Variants in DGKZ observed in about 807,000 individuals in gnomAD.
DGKZ encodes diacylglycerol kinase zeta.
DGKZ carries 45 observed loss-of-function variants against 142.5 expected under a neutral mutation model. The ratio of observed to expected loss-of-function variants is 0.32; its 90% CI spans 0.25 to 0.40. The LOEUF (loss-of-function observed/expected upper bound fraction) is 0.40. Ranked by LOEUF, DGKZ falls within the 10% of genes least tolerant of loss-of-function variation. The pLI, the probability that DGKZ is intolerant of heterozygous loss-of-function variation, is 1.00. For missense variants in DGKZ, 755 were observed against 1,306.5 expected, an observed-to-expected ratio of 0.58 and a Z score of 6.51; for synonymous variants, 442 against 527.0, an observed-to-expected ratio of 0.84 and a Z score of 2.21.
rs1188704125 is a variant in DGKZ at position 46,372,006 on chromosome 11, GC to G, written c.832-67del. The G allele has an allele frequency of 2.1e-6, 3 of 1,444,532 alleles. No homozygotes were observed. The allele number at this position is 1,444,532 out of a possible 1,614,324, so 89.5% of individuals were successfully genotyped here. On this transcript the variant is annotated intron_variant, in intron 9 of 30. Transcript: ENST00000527911. The surrounding 1 kb of genome is among the most constrained non-coding windows in gnomAD (Gnocchi z 5.9). ...AAGAGGGAACAAAGTCACCCAGGGG[GC>G]CTGCTAAGGATGATGGTAGGGTGTC...
chr11:46,379,278 C>T, intron 29 of DGKZ, 42 bp downstream of exon 29: 2 of 1,610,956 alleles, frequency 1.2e-6, no homozygotes, highest in Non-Finnish European at 1.7e-6. Context: ...ACCCCGGAAA[C>T]CACCCTTTTC....
chr11:46,338,662 C>T (rs996749352), intron 1 of DGKZ: 4 of 152,054 alleles, frequency 2.6e-5, no homozygotes, highest in African/African-American at 9.7e-5. Flanking sequence ...CGGGGGGCTC[C>T]GTGGCACATG....
rs1299798378 is a variant in DGKZ, at chr11:46,378,911, C to T, written c.2419-80C>T. 17 of 1,487,654 alleles carry T rather than the reference C, an allele frequency of 1.1e-5. No individual in the cohort carries two copies. In the East Asian group the frequency reaches 1.2e-4, roughly 10 times the overall value. The allele number at this position is 1,487,654 out of a possible 1,614,324, so 92.2% of individuals were successfully genotyped here. The stretch of plus-strand genomic sequence containing the variant: ...CGTTTCAGGCCTGTGCTGGTGTACC[C>T]GGCTGTGGGCCAGCGTGTGAGCTCA... On this transcript the variant is annotated intron_variant, in intron 27 of 30. Coordinates refer to ENST00000527911, the Ensembl canonical transcript of DGKZ.
rs1944033488 is a variant in DGKZ at position 46,372,299 on chromosome 11, A to C, written c.927+129A>C. The C allele has an allele frequency of 8.9e-6, 12 of 1,348,596 alleles. No homozygotes were observed. The highest frequency in any genetic ancestry group is 1.2e-5 in the Non-Finnish European group (12 of 972,652). The allele number at this position is 1,348,596 out of a possible 1,614,324, so 83.5% of individuals were successfully genotyped here. A position where few individuals can be genotyped will look rare whatever the true frequency, so the allele number is the denominator to read the frequency against. On this transcript the variant is annotated intron_variant, in intron 10 of 30. Coordinates refer to ENST00000527911, the Ensembl canonical transcript of DGKZ. The surrounding 1 kb of genome is among the most constrained non-coding windows in gnomAD (Gnocchi z 5.9). Reference sequence around the variant, plus strand: ...TCCCTCTTTCCCAGGGATCCTGAGAAAATCCTGTCCTTTCTCCACCCCTCA... The same window carrying C: ...TCCCTCTTTCCCAGGGATCCTGAGACAATCCTGTCCTTTCTCCACCCCTCA...
chr11:46,376,173 C>T (rs1944504540), intron 22 of DGKZ, 28 bp downstream of exon 22: 1 of 1,610,186 alleles, frequency 6.2e-7, no homozygotes, highest in African/African-American at 1.3e-5. Context: ...CCCCAGGTGC[C>T]CACCGAGAGG....
rs896982986 is a variant in DGKZ at position 46,360,307 on chromosome 11, T to G, written c.162-6984T>G. Among the ~76,000 whole-genome samples the G allele has an allele frequency of 1.1e-4, 16 of 152,288 alleles. 2 individuals carry two copies. Among genetic ancestry groups the G allele is most frequent in the Middle Eastern group, 6.8e-3 (2 of 294 alleles). ...TAAGTATCTTAAACATTTCTCAGTTTTAACATCTGATATGATACATATTAA... is the reference window on the plus strand; with the variant it reads ...TAAGTATCTTAAACATTTCTCAGTTGTAACATCTGATATGATACATATTAA... On this transcript the variant is annotated intron_variant, in intron 1 of 30. Transcript: ENST00000527911.
intron 1 of DGKZ, among the ~76,000 whole-genome samples, chr11:46,341,783 G>A (rs764054835): frequency 7.9e-5 from 12 of 152,174 alleles, no homozygotes; most frequent in Non-Finnish European, 1.5e-5. Flanking sequence ...GAATGGCAGG[G>A]GTTAGGGCCA....
intron 1 of DGKZ, among the ~76,000 whole-genome samples, chr11:46,359,605 A>T (rs963539289): frequency 4.0e-5 from 6 of 151,296 alleles, no homozygotes; most frequent in African/African-American, 9.7e-5. Context: ...ATTTATTTAT[A>T]TTTATTTATT....
At chr11:46,333,383 C>T (rs1463991780) in exon 1 of DGKZ, 2 of 1,424,076 alleles carry the variant, frequency 1.4e-6, no homozygotes, top group Admixed American at 6.6e-5. Flanking sequence ...GGGAGGAGGC[C>T]CAGGTCGCGC....
Position 46,353,068 on chromosome 11 carries a change from A to G in DGKZ, c.161+5248A>G, listed in dbSNP as rs564766743. Among the ~76,000 whole-genome samples the G allele has an allele frequency of 9.8e-5, 15 of 152,358 alleles. No individual in the cohort carries two copies. The South Asian group carries it at 2.7e-3, about 27-fold the overall frequency. The stretch of plus-strand genomic sequence containing the variant: ...CGGAGGGGAGGGAGAGGCTGAAGAG[A>G]CAGGAGTGGCGTTCCAGCTCCTCTG... On this transcript the variant is annotated intron_variant, in intron 1 of 30. Transcript: ENST00000527911.
At chr11:46,379,745 C>A in intron 30 of DGKZ, 86 bp from the exon 31 acceptor site, 1 of 1,400,702 alleles carries the variant, frequency 7.1e-7, no homozygotes. Context: ...GACCAGGCCA[C>A]AGGGAGGTAG....
upstream of DGKZ, among the ~76,000 whole-genome samples, chr11:46,347,034 CT>C (rs1940693903): frequency 6.6e-6 from 1 of 152,148 alleles, no homozygotes; most frequent in African/African-American, 2.4e-5. The surrounding 1 kb of genome is among the most constrained non-coding windows in gnomAD (Gnocchi z 6.4). Flanking sequence ...TTTTGTTCCC[CT>C]GGGTGCGATT....
intron 1 of DGKZ, among the ~76,000 whole-genome samples, chr11:46,363,305 G>C (rs1012258127): frequency 6.6e-6 from 1 of 152,200 alleles, no homozygotes; most frequent in African/African-American, 2.4e-5. Flanking sequence ...ATGGGAGCAC[G>C]GAGGCATGGG....
At chr11:46,334,859 A>C (rs890699983) in intron 1 of DGKZ, among the ~76,000 whole-genome samples, 2 of 152,168 alleles carry the variant, frequency 1.3e-5, no homozygotes, top group Admixed American at 1.3e-4. Context: ...CTCCTGGGAT[A>C]AATGTCAGCC....
chr11:46,359,531 T>C (rs2136433945), intron 1 of DGKZ, among the ~76,000 whole-genome samples: 2 of 152,296 alleles, frequency 1.3e-5, no homozygotes, highest in East Asian at 3.9e-4. Flanking sequence ...TGGTGCTTGA[T>C]GTTACAAAAT....
At chr11:46,345,282 G>A, upstream of DGKZ, 3 of 1,359,230 alleles carry the variant, frequency 2.2e-6, no homozygotes, top group Non-Finnish European at 2.8e-6. This position sits in a 1 kb window ranked among gnomAD's most constrained non-coding sequence, Gnocchi z 4.1. Flanking sequence ...GCCCCAGCCA[G>A]CGGAAGGCGC....
intron 1 of DGKZ, among the ~76,000 whole-genome samples, chr11:46,359,445 CAAAAA>C (rs1170485361): frequency 6.6e-6 from 1 of 152,050 alleles, no homozygotes; most frequent in Non-Finnish European, 1.5e-5. Flanking sequence ...GACTCCATCT[CAAAAA>C]TAAAATAAAA....
chr11:46,351,540 A>G lies in DGKZ; in HGVS notation c.161+3720A>G, dbSNP rs531282301. Among the ~76,000 whole-genome samples, 37 of 152,242 alleles carry G rather than the reference A, an allele frequency of 2.4e-4. 1 individual carries two copies. The highest frequency in any genetic ancestry group is 8.9e-4 in the African/African-American group (37 of 41,536). On this transcript the variant is annotated intron_variant, in intron 1 of 30. Coordinates refer to ENST00000527911, the Ensembl canonical transcript of DGKZ. ...TTGGTTCTGCAATGAATAGGGAGGG[A>G]CGTGTTGAGGGACGCCTCTTTTGCA... is the stretch of plus-strand genomic sequence containing the variant.
chr11:46,376,725 T>C, intron 24 of DGKZ, 161 bp downstream of exon 24: 1 of 970,930 alleles, frequency 1.0e-6, no homozygotes, highest in Non-Finnish European at 1.5e-6. Context: ...CGTGCGGCCC[T>C]GCCCTCCACA....
Sources: gnomAD v4.1 joint callset for allele counts (sites outside exome capture counted in the v4.1 genomes callset) on GRCh38, gnomAD v4.1.1 for gene constraint, Gnocchi (gnomAD v3.1) non-coding constraint, MANE v1.5 for transcripts, NCBI Gene and HGNC (gene_info 2026-07-23, HGNC 2026-07-21) for gene names.